Variants in CASR observed in about 807,000 individuals in gnomAD.
The protein encoded by CASR is extracellular calcium-sensing receptor.
In CASR, 23 loss-of-function variants were observed where a neutral mutation model predicts 69.1. That is an observed-to-expected ratio of 0.33 (90% confidence interval 0.24 to 0.47). The LOEUF (loss-of-function observed/expected upper bound fraction) is 0.47. CASR is among the 20% of genes least tolerant of loss of function. CASR has a pLI of 1.00. For missense variants in CASR, 924 were observed against 1,356.1 expected (o/e 0.68, Z 5.00); for synonymous variants, 541 against 544.7 (o/e 0.99, Z 0.10).
At chr3:122,194,689 C>T (rs1439147278) in intron 1 of CASR, among the ~76,000 whole-genome samples, 1 of 152,176 alleles carries the variant, frequency 6.6e-6, no homozygotes, top group African/African-American at 2.4e-5. Flanking sequence ...CTAGCCATGT[C>T]TTATAACCCT....
intron 1 of CASR, among the ~76,000 whole-genome samples, chr3:122,219,793 A>G (rs573399596): frequency 1.3e-5 from 2 of 152,318 alleles, no homozygotes; most frequent in East Asian, 3.9e-4. Context: ...AAGCAGTGCA[A>G]TCTCAGTGTT....
chr3:122,281,149 C>T (rs1237516482), intron 5 of CASR, among the ~76,000 whole-genome samples: 2 of 152,186 alleles, frequency 1.3e-5, no homozygotes, highest in Admixed American at 1.3e-4. Context: ...ACCAGAAGCA[C>T]ACAACAAAAG....
At position 122,285,016 on chromosome 3, in the gene CASR, C is replaced by G. The variant is rs759009566; in HGVS notation, c.3062C>G (p.Thr1021Arg). Residue 1021 changes from threonine (T) to arginine (R), a missense_variant, in exon 7 of 7, where the codon ACG becomes AGG. Thr to Arg is a moderately conservative substitution (Grantham distance 71). Coordinates refer to ENST00000639785, the MANE Select transcript of CASR (RefSeq NM_000388.4). ...TTACTCCCGCTGCAGTGCGGGGAAA[C>G]GGACTTAGATCTGACCGTCCAGGAA... ...EPLLPLQCGETDLDLTVQETG... is the reference protein window; with the variant it reads ...EPLLPLQCGERDLDLTVQETG... The G allele has an allele frequency of 3.7e-6, 6 of 1,614,092 alleles. No individual in the cohort carries two copies. Among genetic ancestry groups the G allele is most frequent in the Non-Finnish European group, 5.1e-6 (6 of 1,180,054 alleles).
chr3:122,241,276 CA>C (rs2074377094), intron 1 of CASR, among the ~76,000 whole-genome samples: 1 of 151,678 alleles, frequency 6.6e-6, no homozygotes, highest in South Asian at 2.1e-4. Flanking sequence ...ATAAAATTGA[CA>C]AACCTTTAGC....
chr3:122,230,971 T>A (rs1197109138), intron 1 of CASR, among the ~76,000 whole-genome samples: 1 of 152,228 alleles, frequency 6.6e-6, no homozygotes, highest in Non-Finnish European at 1.5e-5. Flanking sequence ...ATTTGTGCAT[T>A]TGACACCTGA....
chr3:122,278,391 C>A (rs1034002332), intron 5 of CASR, among the ~76,000 whole-genome samples: 2 of 152,192 alleles, frequency 1.3e-5, no homozygotes, highest in Non-Finnish European at 2.9e-5. Flanking sequence ...TGAGACTAGA[C>A]CCCAAGGGCC....
intron 5 of CASR, among the ~76,000 whole-genome samples, chr3:122,280,278 G>C (rs1051701753): frequency 6.6e-6 from 1 of 152,124 alleles, no homozygotes; most frequent in African/African-American, 2.4e-5. Context: ...AAAGCTGGAC[G>C]CATTCCCCTT....
intron 1 of CASR, among the ~76,000 whole-genome samples, chr3:122,215,349 A>G (rs1424069760): frequency 6.6e-6 from 1 of 152,250 alleles, no homozygotes; most frequent in East Asian, 1.9e-4. Flanking sequence ...ATTCTTAGGG[A>G]GTTGAGTGCA....
intron 1 of CASR, among the ~76,000 whole-genome samples, chr3:122,227,558 C>A (rs1270041886): frequency 2.0e-5 from 3 of 152,106 alleles, no homozygotes. Flanking sequence ...CACGCCTCTC[C>A]CTCCACACCT....
At chr3:122,238,773 G>A (rs1365321595) in intron 1 of CASR, among the ~76,000 whole-genome samples, 1 of 152,206 alleles carries the variant, frequency 6.6e-6, no homozygotes, top group African/African-American at 2.4e-5. Context: ...AGAGTCATAA[G>A]GCCTCCATTC....
intron 1 of CASR, among the ~76,000 whole-genome samples, chr3:122,188,922 G>T (rs527694301): frequency 8.5e-5 from 13 of 152,306 alleles, no homozygotes; most frequent in African/African-American, 3.1e-4. Flanking sequence ...CATTCATAAG[G>T]CAGGAAACAA....
chr3:122,233,622 C>T (rs1037797714), intron 1 of CASR, among the ~76,000 whole-genome samples: 1 of 152,240 alleles, frequency 6.6e-6, no homozygotes, highest in African/African-American at 2.4e-5. Context: ...TGTTTCTTCT[C>T]TCACTTGAAG....
At chr3:122,223,169 C>G (rs1449482611) in intron 1 of CASR, among the ~76,000 whole-genome samples, 1 of 151,920 alleles carries the variant, frequency 6.6e-6, no homozygotes, top group Non-Finnish European at 1.5e-5. Flanking sequence ...ACTAGAAAAA[C>G]AATAGGAAAC....
intron 1 of CASR, among the ~76,000 whole-genome samples, chr3:122,252,329 A>G (rs1368336100): frequency 1.2e-5 from 1 of 84,154 alleles, no homozygotes; most frequent in East Asian, 2.4e-4. Flanking sequence ...AGAGAAAGAA[A>G]GAGAGAGAAA....
chr3:122,198,610 T>A (rs1329620290), intron 1 of CASR, among the ~76,000 whole-genome samples: 7 of 151,994 alleles, frequency 4.6e-5, no homozygotes, highest in Admixed American at 4.6e-4. Context: ...TTCTTCTTCC[T>A]ACTTTTCTAC....
chr3:122,202,973 A>T (rs958332014), intron 1 of CASR, among the ~76,000 whole-genome samples: 6 of 152,194 alleles, frequency 3.9e-5, no homozygotes, highest in African/African-American at 1.4e-4. Flanking sequence ...GGTATGCATG[A>T]GTCTGCTTCT....
chr3:122,239,299 G>A (rs1419130261), intron 1 of CASR, among the ~76,000 whole-genome samples: 3 of 152,236 alleles, frequency 2.0e-5, no homozygotes, highest in East Asian at 1.9e-4. Context: ...TGAGCTAGTG[G>A]TGGTGGTGGC....
At chr3:122,269,151 TTTTA>T (rs1316408575) in intron 4 of CASR, among the ~76,000 whole-genome samples, 1 of 152,194 alleles carries the variant, frequency 6.6e-6, no homozygotes, top group Non-Finnish European at 1.5e-5. Context: ...ATTTTGGCCT[TTTTA>T]TTTGTTTGCT....
At chr3:122,214,428 T>G (rs962770581) in intron 1 of CASR, among the ~76,000 whole-genome samples, 2 of 152,188 alleles carry the variant, frequency 1.3e-5, no homozygotes, top group Non-Finnish European at 2.9e-5. Flanking sequence ...ACTAACTCTA[T>G]GCAGACTATC....
Sources: gnomAD v4.1 joint callset for allele counts (sites outside exome capture counted in the v4.1 genomes callset) on GRCh38, gnomAD v4.1.1 for gene constraint, MANE v1.5 for transcripts, NCBI Gene and HGNC (gene_info 2026-07-23, HGNC 2026-07-21) for gene names.